SVEP1: variants seen among roughly 807,000 people sequenced by gnomAD.
SVEP1 encodes the protein sushi, von Willebrand factor type A, EGF and pentraxin domain-containing protein 1.
SVEP1 carries 164 observed loss-of-function variants against 367.3 expected under a neutral mutation model. The observed-to-expected ratio is 0.45, with a 90% CI of 0.39 to 0.51. The LOEUF is 0.51. Among genes scored for constraint, SVEP1 ranks in the 20% least tolerant of loss-of-function variants. SVEP1 has a pLI of 0.00. For synonymous variants in SVEP1, 1,666 were observed against 1,611.6 expected (o/e 1.03, Z -0.81); for missense variants, 4,117 against 4,425.3 (o/e 0.93, Z 1.98).
chr9:110,567,300 T>C (rs1260466522), intron 1 of SVEP1, among the ~76,000 whole-genome samples: 1 of 152,184 alleles, frequency 6.6e-6, no homozygotes, highest in Non-Finnish European at 1.5e-5. Flanking sequence ...TGTAATTTCC[T>C]TATCTAATAT....
At chr9:110,498,633 G>A (rs1829486490) in intron 7 of SVEP1, among the ~76,000 whole-genome samples, 1 of 151,952 alleles carries the variant, frequency 6.6e-6, no homozygotes, top group Non-Finnish European at 1.5e-5. Context: ...CTTTTTCATA[G>A]CGGTCTGCTC....
intron 8 of SVEP1, among the ~76,000 whole-genome samples, chr9:110,494,448 G>A (rs1278536436): frequency 6.6e-6 from 1 of 152,112 alleles, no homozygotes; most frequent in African/African-American, 2.4e-5. Flanking sequence ...AGAACTATTG[G>A]TATACCCTAG....
intron 32 of SVEP1, among the ~76,000 whole-genome samples, chr9:110,431,294 C>T (rs6477769): frequency 0.23 from 34,363 of 151,972 alleles, 4,436 homozygotes; most frequent in East Asian, 0.37. Flanking sequence ...TATTTTGTGA[C>T]ACCAAAAATG....
chr9:110,408,371 C>T lies in SVEP1; in HGVS notation c.7229G>A (p.Gly2410Asp). The change falls in exon 38 of 48, where the codon GGT becomes GAT. Residue 2410 changes from glycine (G) to aspartate (D), a missense_variant. This residue lies in a region of SVEP1 where 1,765 missense variants were observed against 1,781.1 expected (regional missense o/e 0.99). Transcript: ENST00000374469. The stretch of plus-strand genomic sequence containing the variant: ...AGAATTTCCTCTTAGGAAAAACCCA[C>T]CTACACAAGAATACTTGACAGTACT... The part of the protein sequence containing the change: ...FGSTVKYSCV[G>D]GFFLRGNSTT... 6.2e-7 allele frequency: 1 copy of T among 1,613,918 alleles called. No homozygotes were observed. Among genetic ancestry groups the T allele is most frequent in the South Asian group, 1.1e-5 (1 of 91,064 alleles).
intron 28 of SVEP1, among the ~76,000 whole-genome samples, chr9:110,436,050 G>C (rs965488372): frequency 6.6e-6 from 1 of 152,006 alleles, no homozygotes; most frequent in Non-Finnish European, 1.5e-5. Flanking sequence ...TCTTCAGTCA[G>C]AGGGATTTGA....
intron 18 of SVEP1, among the ~76,000 whole-genome samples, chr9:110,462,447 A>G (rs756854507): frequency 6.6e-6 from 1 of 151,630 alleles, no homozygotes; most frequent in Non-Finnish European, 1.5e-5. Context: ...CATTTAATAG[A>G]GTATTTATAT....
intron 18 of SVEP1, among the ~76,000 whole-genome samples, chr9:110,463,037 T>C (rs1828882078): frequency 6.6e-6 from 1 of 152,114 alleles, no homozygotes; most frequent in Non-Finnish European, 1.5e-5. Context: ...CATAACATCA[T>C]TTTGTACACC....
At chr9:110,386,769 A>C (rs982926899) in intron 42 of SVEP1, among the ~76,000 whole-genome samples, 4 of 152,278 alleles carry the variant, frequency 2.6e-5, no homozygotes, top group African/African-American at 9.6e-5. Context: ...TGAGTGAGGT[A>C]CACTTCCGCT....
At chr9:110,480,122 A>G (rs1199790307) in intron 12 of SVEP1, among the ~76,000 whole-genome samples, 2 of 152,242 alleles carry the variant, frequency 1.3e-5, no homozygotes, top group African/African-American at 4.8e-5. Flanking sequence ...TATATAGCAC[A>G]TATAATAATT....
rs536250743 is a variant in SVEP1, at chr9:110,372,768, G to A, written c.10600+2600C>T. ...TGCTTGCAAGGGTAGTGAGAAAACC[G>A]TCACTGCAGGGCACAGTGTGTGATG... On this transcript the variant is annotated intron_variant, in intron 46 of 47. Transcript: ENST00000374469. Among the ~76,000 whole-genome samples the A allele has an allele frequency of 4.6e-5, 7 of 152,272 alleles. No individual in the cohort carries two copies. In the East Asian group the frequency reaches 9.7e-4, roughly 21 times the overall value.
Position 110,481,368 on chromosome 9 carries a change from C to T in SVEP1, c.2239G>A (p.Val747Ile). 6.2e-7 allele frequency: 1 copy of T among 1,610,680 alleles called. No homozygotes were observed. Among genetic ancestry groups the T allele is most frequent in the Non-Finnish European group, 8.5e-7 (1 of 1,178,328 alleles). ...DFICTPDNTG[V>I]NCTLTCLEGY... Reference sequence around the variant, plus strand: ...TCCAAGCAAGTTAATGTACAGTTGACTCCAGTATTATCTGGAGTGCATATA... The same window carrying T: ...TCCAAGCAAGTTAATGTACAGTTGATTCCAGTATTATCTGGAGTGCATATA... The change falls in exon 12 of 48, where the codon GTC becomes ATC. Residue 747 changes from valine (V) to isoleucine (I), a missense_variant. By Grantham distance (29) the Val-to-Ile change is conservative. Transcript: ENST00000374469.
intron 45 of SVEP1, chr9:110,377,056 AC>A: frequency 2.4e-6 from 1 of 412,682 alleles, no homozygotes; most frequent in Admixed American, 3.9e-5. Flanking sequence ...TGTGAAAATG[AC>A]TTTAGATGGA....
intron 13 of SVEP1, among the ~76,000 whole-genome samples, chr9:110,477,419 C>G (rs1197688623): frequency 6.6e-6 from 1 of 152,210 alleles, no homozygotes; most frequent in Non-Finnish European, 1.5e-5. Flanking sequence ...CACACCTGTA[C>G]TACACAGTCA....
intron 36 of SVEP1, among the ~76,000 whole-genome samples, chr9:110,414,423 C>T (rs1828087579): frequency 6.6e-6 from 1 of 151,866 alleles, no homozygotes; most frequent in South Asian, 2.1e-4. Flanking sequence ...TCAGACATTC[C>T]CAATAGTTGA....
chr9:110,509,532 T>G (rs192172027), intron 5 of SVEP1, among the ~76,000 whole-genome samples: 106 of 152,330 alleles, frequency 7.0e-4, no homozygotes, highest in Non-Finnish European at 1.4e-3. Flanking sequence ...TTTTTTGTAG[T>G]CAAGGTCTCA....
At chr9:110,400,688 A>G (rs1827844907) in intron 40 of SVEP1, among the ~76,000 whole-genome samples, 166 bp downstream of exon 40, 2 of 152,178 alleles carry the variant, frequency 1.3e-5, no homozygotes, top group Admixed American at 1.3e-4. Context: ...TTAAAACTCT[A>G]AGTTGCCTTA....
At chr9:110,391,754 C>T (rs1036590431) in intron 40 of SVEP1, among the ~76,000 whole-genome samples, 1 of 152,036 alleles carries the variant, frequency 6.6e-6, no homozygotes, top group African/African-American at 2.4e-5. Context: ...CTTGAGTGGG[C>T]CATGAGGTGC....
At chr9:110,393,451 AG>A (rs1827700185) in intron 40 of SVEP1, among the ~76,000 whole-genome samples, 1 of 152,210 alleles carries the variant, frequency 6.6e-6, no homozygotes, top group African/African-American at 2.4e-5. Context: ...TGAGCGACGC[AG>A]AAGACGGGTG....
chr9:110,474,952 T>A (rs946285590), intron 14 of SVEP1, among the ~76,000 whole-genome samples: 3 of 150,934 alleles, frequency 2.0e-5, no homozygotes, highest in African/African-American at 7.3e-5. Context: ...ATAAGCAGTT[T>A]TATATATATA....
Sources: allele counts gnomAD v4.1 joint callset (sites outside exome capture counted in the v4.1 genomes callset), GRCh38; gene constraint gnomAD v4.1.1; regional missense constraint gnomAD v4.1.1; transcripts MANE v1.5; gene names NCBI Gene and HGNC (gene_info 2026-07-23, HGNC 2026-07-21).